The following NEK11 variants were observed in gnomAD, a reference collection of about 807,000 sequenced individuals.
NEK11 encodes the protein serine/threonine-protein kinase Nek11.
A neutral mutation model predicts 80.7 loss-of-function variants in NEK11; 72 were observed. That is an observed-to-expected ratio of 0.89 (90% CI 0.74 to 1.08). The LOEUF (loss-of-function observed/expected upper bound fraction) is 1.08. Among genes scored for constraint, NEK11 ranks in the 50% least tolerant of loss-of-function variants. NEK11 has a pLI of 0.00. For missense variants in NEK11, 764 were observed against 763.6 expected, an observed-to-expected ratio of 1.00 and a Z score of -0.01; for synonymous variants, 251 against 260.7, an observed-to-expected ratio of 0.96 and a Z score of 0.36.
At chr3:131,112,258 C>T (rs2080258733) in intron 5 of NEK11, among the ~76,000 whole-genome samples, 1 of 152,044 alleles carries the variant, frequency 6.6e-6, no homozygotes, top group South Asian at 2.1e-4. Flanking sequence ...AAACAATACA[C>T]AATTGATAAT....
intron 17 of NEK11, among the ~76,000 whole-genome samples, chr3:131,336,772 GA>G (rs1392722808): frequency 1.3e-5 from 2 of 151,948 alleles, no homozygotes; most frequent in Admixed American, 1.3e-4. Context: ...AAATTTACAA[GA>G]AAAAAACAAC....
chr3:131,332,846 C>T (rs573794017), intron 17 of NEK11, among the ~76,000 whole-genome samples: 5 of 152,180 alleles, frequency 3.3e-5, no homozygotes, highest in Middle Eastern at 6.8e-3. Context: ...CCGATGCAAT[C>T]GACTGGAAGA....
intron 3 of NEK11, among the ~76,000 whole-genome samples, chr3:131,079,098 C>T (rs1317424738): frequency 6.6e-6 from 1 of 151,968 alleles, no homozygotes; most frequent in Non-Finnish European, 1.5e-5. Context: ...ACTTAGTTTT[C>T]CTAGCAGAGA....
intron 3 of NEK11, among the ~76,000 whole-genome samples, chr3:131,035,761 T>C (rs2065545032): frequency 6.6e-6 from 1 of 152,090 alleles, no homozygotes. Flanking sequence ...GAAGTGAAAA[T>C]ATAACCAAAA....
intron 17 of NEK11, among the ~76,000 whole-genome samples, chr3:131,336,445 T>A (rs964698717): frequency 2.6e-5 from 4 of 152,186 alleles, no homozygotes; most frequent in African/African-American, 9.7e-5. Flanking sequence ...ATCCCTTCCT[T>A]ACACCTTATA....
intron 7 of NEK11, among the ~76,000 whole-genome samples, chr3:131,148,875 C>T (rs1401196062): frequency 2.6e-5 from 4 of 150,970 alleles, no homozygotes; most frequent in Admixed American, 1.3e-4. Flanking sequence ...ACATAATAGT[C>T]GTACATATTT....
intron 14 of NEK11, chr3:131,184,787 G>T: frequency 1.8e-6 from 2 of 1,084,788 alleles, no homozygotes; most frequent in South Asian, 4.7e-5. Context: ...AATCCTCCAT[G>T]CATACTTTTT....
intron 14 of NEK11, among the ~76,000 whole-genome samples, chr3:131,171,540 AG>A (rs1418004418): frequency 6.6e-6 from 1 of 152,202 alleles, no homozygotes; most frequent in East Asian, 1.9e-4. Flanking sequence ...TGAGTTTTGG[AG>A]TAAAAAAGTT....
intron 3 of NEK11, among the ~76,000 whole-genome samples, chr3:131,042,583 A>G (rs1247507058): frequency 2.0e-5 from 3 of 152,200 alleles, no homozygotes; most frequent in Admixed American, 6.5e-5. Flanking sequence ...CTGGCAGGGC[A>G]TCTCTGAAAG....
At chr3:131,183,997 A>T (rs921773174) in intron 14 of NEK11, among the ~76,000 whole-genome samples, 3 of 152,098 alleles carry the variant, frequency 2.0e-5, no homozygotes, top group African/African-American at 7.2e-5. Context: ...ACCTGTCCCT[A>T]GGAACTCCAC....
At chr3:131,334,085 C>A (rs556746779) in intron 17 of NEK11, among the ~76,000 whole-genome samples, 1 of 152,132 alleles carries the variant, frequency 6.6e-6, no homozygotes, top group African/African-American at 2.4e-5. Context: ...CAAGGATATC[C>A]AGGAATTGAA....
intron 14 of NEK11, among the ~76,000 whole-genome samples, chr3:131,173,005 G>A (rs955997912): frequency 1.3e-5 from 2 of 152,138 alleles, no homozygotes; most frequent in African/African-American, 4.8e-5. Flanking sequence ...TGATGACATG[G>A]GAAGTTACCT....
intron 3 of NEK11, among the ~76,000 whole-genome samples, chr3:131,030,306 G>A (rs2064624959): frequency 6.6e-6 from 1 of 151,780 alleles, no homozygotes; most frequent in African/African-American, 2.4e-5. Flanking sequence ...CATAAATATA[G>A]GTAAGCTCCC....
chr3:131,259,777 T>C (rs1282472386), intron 16 of NEK11, among the ~76,000 whole-genome samples: 1 of 152,168 alleles, frequency 6.6e-6, no homozygotes, highest in Non-Finnish European at 1.5e-5. Flanking sequence ...GGCAGCTTTC[T>C]GAGGCTGAAG....
intron 16 of NEK11, among the ~76,000 whole-genome samples, chr3:131,250,200 A>G (rs2095673694): frequency 6.6e-6 from 1 of 152,036 alleles, no homozygotes; most frequent in Non-Finnish European, 1.5e-5. Context: ...GTAAGAAAAC[A>G]AAGTGATTCA....
intron 17 of NEK11, among the ~76,000 whole-genome samples, chr3:131,320,030 G>A (rs1317001112): frequency 6.6e-6 from 1 of 151,838 alleles, no homozygotes; most frequent in Non-Finnish European, 1.5e-5. Context: ...TGTAAAAATG[G>A]CAATTCCATA....
intron 14 of NEK11, among the ~76,000 whole-genome samples, chr3:131,214,107 C>T (rs2094730014): frequency 6.6e-6 from 1 of 152,202 alleles, no homozygotes; most frequent in African/African-American, 2.4e-5. Flanking sequence ...TCCCAGCCTT[C>T]AAAACTGTGA....
At chr3:131,302,826 T>C (rs144664163) in intron 17 of NEK11, among the ~76,000 whole-genome samples, 16 of 152,268 alleles carry the variant, frequency 1.1e-4, no homozygotes, top group Admixed American at 3.9e-4. Flanking sequence ...GTATATTCTG[T>C]TGTTTGGGGT....
At chr3:131,128,391 A>T (rs930451253) in intron 5 of NEK11, among the ~76,000 whole-genome samples, 1 of 152,196 alleles carries the variant, frequency 6.6e-6, no homozygotes, top group African/African-American at 2.4e-5. Context: ...CCAGATTGTC[A>T]TATAGCTGGA....
Sources: allele counts gnomAD v4.1 joint callset (sites outside exome capture counted in the v4.1 genomes callset), GRCh38; gene constraint gnomAD v4.1.1; transcripts MANE v1.5; gene names NCBI Gene and HGNC (gene_info 2026-07-23, HGNC 2026-07-21).